The following COL24A1 variants were observed in gnomAD, a reference collection of about 807,000 sequenced individuals.
The protein encoded by COL24A1 is collagen type XXIV alpha 1 chain.
Under a neutral mutation model 253.9 loss-of-function variants are expected in COL24A1, and 224 were observed. The ratio of observed to expected loss-of-function variants is 0.88; its 90% CI spans 0.79 to 0.99. The LOEUF is 0.99. Ranked by LOEUF, COL24A1 falls within the 50% of genes least tolerant of loss-of-function variation. COL24A1 has a pLI of 0.00. For synonymous variants in COL24A1, 685 were observed against 673.7 expected (o/e 1.02, Z -0.26); for missense variants, 2,131 against 2,068.5 (o/e 1.03, Z -0.59).
intron 41 of COL24A1, 21 bp downstream of exon 41, chr1:85,842,047 A>G (rs1283775075): frequency 1.2e-6 from 2 of 1,606,682 alleles, no homozygotes; most frequent in South Asian, 1.1e-5. Flanking sequence ...TTAAGATTAA[A>G]AAGCCAATAT....
At chr1:85,806,555 C>A (rs911797877) in intron 47 of COL24A1, among the ~76,000 whole-genome samples, 1 of 152,118 alleles carries the variant, frequency 6.6e-6, no homozygotes, top group Admixed American at 6.5e-5. Flanking sequence ...TTTATGAATA[C>A]CAAAATTCAA....
At chr1:85,762,768 G>A (rs1305184076) in intron 53 of COL24A1, among the ~76,000 whole-genome samples, 3 of 152,120 alleles carry the variant, frequency 2.0e-5, no homozygotes, top group African/African-American at 7.2e-5. Flanking sequence ...ATTCCACTTA[G>A]CAAGTTTTTG....
chr1:85,868,916 T>A (rs1050205806), intron 35 of COL24A1, 81 bp from the exon 36 acceptor site: 1 of 946,322 alleles, frequency 1.1e-6, no homozygotes, highest in East Asian at 2.6e-5. Context: ...CCATAGTATA[T>A]ATGGAAAATA....
In COL24A1 at chr1:86,022,537, C is replaced by T; in HGVS notation, c.2202+1G>A. The T allele has an allele frequency of 6.2e-7, 1 of 1,610,494 alleles. No individual in the cohort carries two copies. Among genetic ancestry groups the T allele is most frequent in the Non-Finnish European group, 8.5e-7 (1 of 1,178,130 alleles). On this transcript the variant is annotated splice_donor_variant, in intron 17 of 59. Coordinates refer to ENST00000370571, the MANE Select transcript of COL24A1 (RefSeq NM_152890.7). LOFTEE classifies it high-confidence loss of function. ...CATAAAATTAATGGTATAAACATTA[C>T]CTTGTCTCCAGGATACCCGGGTTCT...
At chr1:85,814,751 T>C (rs1672893637) in intron 47 of COL24A1, among the ~76,000 whole-genome samples, 1 of 152,152 alleles carries the variant, frequency 6.6e-6, no homozygotes, top group South Asian at 2.1e-4. Flanking sequence ...AAGTTGTTTG[T>C]CATAATGAAC....
At chr1:85,783,003 T>C (rs1669295342) in intron 51 of COL24A1, among the ~76,000 whole-genome samples, 1 of 152,226 alleles carries the variant, frequency 6.6e-6, no homozygotes, top group South Asian at 2.1e-4. Flanking sequence ...TAATTGGAGT[T>C]CTTCAGACCC....
At chr1:86,079,707 A>C (rs1040939984) in intron 7 of COL24A1, among the ~76,000 whole-genome samples, 1 of 152,170 alleles carries the variant, frequency 6.6e-6, no homozygotes, top group Non-Finnish European at 1.5e-5. Context: ...AACATTATTG[A>C]TCATCAAAGA....
At chr1:86,155,794 C>G (rs1280025515) in intron 1 of COL24A1, 2 of 152,908 alleles carry the variant, frequency 1.3e-5, no homozygotes, top group African/African-American at 4.8e-5. Flanking sequence ...AAACAACCCC[C>G]CGACGCCCGA....
rs187974484 is a variant in COL24A1, at chr1:86,031,172, C to T, written c.2049+706G>A. On this transcript the variant is annotated intron_variant, in intron 14 of 59. Transcript: ENST00000370571. ...CAACAACAGGAATGGAACTGGAAGA[C>T]ATTAGTGATATAAGCCAGGCACAGA... 1.7e-3 allele frequency among the ~76,000 whole-genome samples: 254 copies of T among 152,194 alleles called. 1 individual carries two copies. The highest frequency in any genetic ancestry group is 2.4e-3 in the Non-Finnish European group (162 of 68,008).
At chr1:85,914,114 G>A (rs2102952535) in intron 24 of COL24A1, among the ~76,000 whole-genome samples, 1 of 152,172 alleles carries the variant, frequency 6.6e-6, no homozygotes, top group Admixed American at 6.5e-5. Context: ...TTTTGCAGAG[G>A]ATAAAAACAT....
At chr1:85,887,808 T>A (rs1271261695) in intron 32 of COL24A1, among the ~76,000 whole-genome samples, 1 of 152,144 alleles carries the variant, frequency 6.6e-6, no homozygotes, top group Non-Finnish European at 1.5e-5. Flanking sequence ...AGTTTCAACC[T>A]TTTCTGCCAG....
chr1:86,037,929 C>T (rs1430750013), intron 12 of COL24A1, among the ~76,000 whole-genome samples: 1 of 152,052 alleles, frequency 6.6e-6, no homozygotes, highest in Non-Finnish European at 1.5e-5. Flanking sequence ...TTTTCTACTG[C>T]TGTCTACTTT....
At chr1:86,095,467 ATCCT>A (rs1160252412) in intron 5 of COL24A1, among the ~76,000 whole-genome samples, 5 of 152,054 alleles carry the variant, frequency 3.3e-5, no homozygotes, top group Non-Finnish European at 7.4e-5. Flanking sequence ...TTGTGGGCTG[ATCCT>A]TCCTAATATA....
intron 23 of COL24A1, among the ~76,000 whole-genome samples, chr1:85,962,390 G>A (rs1691166684): frequency 6.6e-6 from 1 of 152,056 alleles, no homozygotes; most frequent in Admixed American, 6.6e-5. Context: ...TCTGAATAAG[G>A]CCATTTATAG....
intron 45 of COL24A1, among the ~76,000 whole-genome samples, chr1:85,819,666 A>G (rs1192093754): frequency 6.6e-6 from 1 of 152,140 alleles, no homozygotes; most frequent in Non-Finnish European, 1.5e-5. Context: ...TGCTATAAAG[A>G]ACAGATTTAA....
rs1009856453 is a variant in COL24A1, at chr1:86,156,199, G to T, written c.56+142C>A. ...TTGCAAGCTGAGAAGACAAGGGGAA[G>T]ATACCGCGGGTACTCGGCCGCTCCT... On this transcript the variant is annotated intron_variant, in intron 1 of 59. Coordinates refer to ENST00000370571, the MANE Select transcript of COL24A1 (RefSeq NM_152890.7). The T allele has an allele frequency of 2.6e-5, 17 of 650,936 alleles. 1 individual carries two copies. The South Asian group carries it at 3.5e-4, about 14-fold the overall frequency. The allele number at this position is 650,936 out of a possible 1,614,324, so 40.3% of individuals were successfully genotyped here.
rs1557574588 is a variant in COL24A1 at position 86,089,191 on chromosome 1, CA to C, written c.1689del (p.Gly564ValfsTer41). 5.1e-6 allele frequency: 8 copies of C among 1,583,660 alleles called. No individual in the cohort carries two copies. Among genetic ancestry groups the C allele is most frequent in the African/African-American group, 1.4e-5 (1 of 72,334 alleles). On this transcript the variant is annotated frameshift_variant, in exon 7 of 60. Coordinates refer to ENST00000370571, the MANE Select transcript of COL24A1 (RefSeq NM_152890.7). LOFTEE classifies it high-confidence loss of function. ...DQGLSGLMGPPGMQGDKGLKG... is the reference protein window; with the variant it reads ...DQGLSGLMGPXGMQGDKGLKG... Reference sequence around the variant, plus strand: ...CAACTTACCTTATCACCTTGCATACCAGGGGGGCCCATTAATCCAGAAAGGC... The same window carrying C: ...CAACTTACCTTATCACCTTGCATACCGGGGGGCCCATTAATCCAGAAAGGC...
intron 35 of COL24A1, among the ~76,000 whole-genome samples, chr1:85,870,976 G>A (rs968114857): frequency 6.6e-6 from 1 of 151,940 alleles, no homozygotes; most frequent in Admixed American, 6.6e-5. Context: ...AGAAAAGAGA[G>A]AAGAATCAAA....
intron 14 of COL24A1, among the ~76,000 whole-genome samples, chr1:86,028,645 C>T (rs978582298): frequency 2.6e-5 from 4 of 152,334 alleles, no homozygotes; most frequent in Admixed American, 6.5e-5. Flanking sequence ...TTCTTCATAG[C>T]TGTGTGAGAA....
Sources: gnomAD v4.1 joint callset for allele counts (sites outside exome capture counted in the v4.1 genomes callset) on GRCh38, gnomAD v4.1.1 for gene constraint, MANE v1.5 for transcripts, NCBI Gene and HGNC (gene_info 2026-07-23, HGNC 2026-07-21) for gene names.